Variants in FAAP20 observed in about 807,000 individuals in gnomAD.
FAAP20 encodes the protein Fanconi anemia core complex-associated protein 20.
In FAAP20, 12 loss-of-function variants were observed where a neutral mutation model predicts 16.2. The observed-to-expected ratio is 0.74, with a 90% confidence interval of 0.48 to 1.20. FAAP20 has a LOEUF of 1.20. Ranked by LOEUF, FAAP20 falls within the 50% of genes most tolerant of loss-of-function variation. FAAP20 has a pLI of 0.00. For missense variants in FAAP20, 288 were observed against 245.8 expected (o/e 1.17, Z -1.15); for synonymous variants, 141 against 110.7 (o/e 1.27, Z -1.72).
At chr1:2,210,190 G>A (rs1482467688), downstream of FAAP20, among the ~76,000 whole-genome samples, 1 of 152,194 alleles carries the variant, frequency 6.6e-6, no homozygotes, top group African/African-American at 2.4e-5. Flanking sequence ...GCCTGCCCGT[G>A]TCAGACAGAG....
chr1:2,205,615 G>A (rs867769640), intron 3 of FAAP20, among the ~76,000 whole-genome samples: 1 of 152,172 alleles, frequency 6.6e-6, no homozygotes, highest in Non-Finnish European at 1.5e-5. Context: ...AGTTTCCAGC[G>A]TCGAGCCTGC....
At chr1:2,194,166 C>G (rs746773170) in intron 1 of FAAP20, 33 bp from the exon 2 acceptor site, 245 of 1,609,532 alleles carry the variant, frequency 1.5e-4, no homozygotes, top group Non-Finnish European at 1.4e-4. Context: ...ACAGGGGGTA[C>G]TCAGTAGCGG....
chr1:2,187,105 CG>C, downstream of FAAP20: 1 of 459,062 alleles, frequency 2.2e-6, no homozygotes, highest in South Asian at 1.6e-5. Context: ...GGGCGTGGTG[CG>C]GGGCAACTGC....
At chr1:2,208,972 A>G (rs1344334794), downstream of FAAP20, among the ~76,000 whole-genome samples, 1 of 152,216 alleles carries the variant, frequency 6.6e-6, no homozygotes, top group Non-Finnish European at 1.5e-5. Context: ...CAGCTGCAGG[A>G]GGCACAAAGC....
upstream of FAAP20, chr1:2,200,839 C>T (rs1034681777): frequency 9.5e-7 from 1 of 1,054,396 alleles, no homozygotes; most frequent in African/African-American, 1.7e-5. Context: ...CCCCAAGGTC[C>T]TCCAAGTGGG....
upstream of FAAP20, among the ~76,000 whole-genome samples, chr1:2,204,615 A>G (rs1201842363): frequency 6.6e-6 from 1 of 150,960 alleles, no homozygotes; most frequent in Non-Finnish European, 1.5e-5. Flanking sequence ...CGGGAGCCGG[A>G]GAACCCGCAG....
chr1:2,194,755 C>A lies in FAAP20; in HGVS notation c.-6G>T. 1.7e-6 allele frequency: 2 copies of A among 1,181,432 alleles called. No individual in the cohort carries two copies. The highest frequency in any genetic ancestry group is 2.1e-6 in the Non-Finnish European group (2 of 956,842). The allele number at this position is 1,181,432 out of a possible 1,614,324, so 73.2% of individuals were successfully genotyped here. The stretch of plus-strand genomic sequence containing the variant: ...GGCCTCCGCGCCGCCTCCATCCAAG[C>A]CCGCGCCGGGCGGAAGTGAGCGCAA... On this transcript the variant is annotated 5_prime_UTR_variant, in exon 1 of 4. Transcript: ENST00000378546.
downstream of FAAP20, among the ~76,000 whole-genome samples, chr1:2,208,133 G>C (rs1038826837): frequency 6.6e-6 from 1 of 152,044 alleles, no homozygotes; most frequent in Non-Finnish European, 1.5e-5. Flanking sequence ...TGCCTGGGGG[G>C]GTGACTGCCA....
upstream of FAAP20, among the ~76,000 whole-genome samples, chr1:2,204,307 C>G (rs1689155986): frequency 1.3e-5 from 2 of 152,270 alleles, no homozygotes; most frequent in Non-Finnish European, 2.9e-5. Flanking sequence ...CTGGCACATC[C>G]TGAATGGAGG....
chr1:2,186,528 G>C (rs1687626664), downstream of FAAP20, among the ~76,000 whole-genome samples: 1 of 150,500 alleles, frequency 6.6e-6, no homozygotes. Context: ...CTTCTAGGTG[G>C]AATGTGGAGA....
upstream of FAAP20, among the ~76,000 whole-genome samples, chr1:2,197,523 T>TG (rs1358260572): frequency 6.6e-6 from 1 of 152,138 alleles, no homozygotes; most frequent in Non-Finnish European, 1.5e-5. Flanking sequence ...TCACTGAAGC[T>TG]GGGGGGCCCC....
At chr1:2,184,608 C>A (rs1260431418), downstream of FAAP20, 1 of 1,613,910 alleles carries the variant, frequency 6.2e-7, no homozygotes, top group African/African-American at 1.3e-5. Context: ...GCGCTCCCTC[C>A]ATTCCAGCCA....
chr1:2,193,963 C>A, intron 2 of FAAP20, 35 bp downstream of exon 2: 2 of 1,612,264 alleles, frequency 1.2e-6, no homozygotes. Flanking sequence ...GCCCTGGAAA[C>A]CCCTTCATCG....
chr1:2,196,388 C>T (rs1335727262), upstream of FAAP20, among the ~76,000 whole-genome samples: 1 of 152,072 alleles, frequency 6.6e-6, no homozygotes, highest in Non-Finnish European at 1.5e-5. The surrounding 1 kb of genome is among the most constrained non-coding windows in gnomAD (Gnocchi z 4.5). Context: ...ATGGCAAGAC[C>T]TTGTCTCTAT....
downstream of FAAP20, among the ~76,000 whole-genome samples, chr1:2,188,189 C>T (rs1045475885): frequency 6.6e-6 from 1 of 152,220 alleles, no homozygotes; most frequent in Non-Finnish European, 1.5e-5. Flanking sequence ...CTCTCCAGAA[C>T]CTGGGGGCTG....
At chr1:2,187,591 A>G (rs965516542), downstream of FAAP20, among the ~76,000 whole-genome samples, 4 of 152,168 alleles carry the variant, frequency 2.6e-5, no homozygotes, top group Non-Finnish European at 5.9e-5. Flanking sequence ...GGCGTGAGCT[A>G]CCGCGCCCGG....
Position 2,189,620 on chromosome 1 carries a change from G to C in FAAP20, c.*89C>G, listed in dbSNP as rs1218643974. 2 of 984,338 alleles carry C rather than the reference G, an allele frequency of 2.0e-6. No individual in the cohort carries two copies. The allele number at this position is 984,338 out of a possible 1,614,324, so 61.0% of individuals were successfully genotyped here. ...GCATGCGGGGGAGCCGAGAGGCGGGGCTGCTGGCGGGGGAGCCGAGAGGCG... is the reference window on the plus strand; with the variant it reads ...GCATGCGGGGGAGCCGAGAGGCGGGCCTGCTGGCGGGGGAGCCGAGAGGCG... On this transcript the variant is annotated 3_prime_UTR_variant, in exon 4 of 4. Coordinates refer to ENST00000378546, the MANE Select transcript of FAAP20 (RefSeq NM_182533.4).
At chr1:2,189,345 C>CAA (rs76686036), downstream of FAAP20, among the ~76,000 whole-genome samples, 20 of 142,060 alleles carry the variant, frequency 1.4e-4, 1 homozygote, top group South Asian at 3.8e-3. Flanking sequence ...AAAAAAAAAA[C>CAA]AAAAAAAAAA....
chr1:2,184,587 A>G (rs1254295825), downstream of FAAP20: 1 of 1,613,358 alleles, frequency 6.2e-7, no homozygotes, highest in East Asian at 2.2e-5. Context: ...TCCAAGCTGG[A>G]GAAGAAGCAG....
Sources: allele counts gnomAD v4.1 joint callset (sites outside exome capture counted in the v4.1 genomes callset), GRCh38; gene constraint gnomAD v4.1.1; non-coding constraint Gnocchi (gnomAD v3.1); transcripts MANE v1.5; gene names NCBI Gene and HGNC (gene_info 2026-07-23, HGNC 2026-07-21).